UNC80: variants seen among roughly 807,000 people sequenced by gnomAD.
UNC80 encodes protein unc-80 homolog.
A neutral mutation model predicts 384.6 loss-of-function variants in UNC80; 164 were observed. The observed-to-expected ratio is 0.43, with a 90% CI of 0.38 to 0.49. The LOEUF is 0.49. Ranked by LOEUF, UNC80 falls within the 20% of genes least tolerant of loss-of-function variation. UNC80 has a pLI of 0.00. For synonymous variants in UNC80, 1,486 were observed against 1,527.8 expected, an observed-to-expected ratio of 0.97 and a Z score of 0.64; for missense variants, 3,330 against 4,143.0, an observed-to-expected ratio of 0.80 and a Z score of 5.39.
chr2:209,876,233 C>T (rs534762456), intron 23 of UNC80, among the ~76,000 whole-genome samples: 17 of 152,242 alleles, frequency 1.1e-4, no homozygotes, highest in African/African-American at 3.9e-4. Context: ...ACCTCCTAGC[C>T]CCTCTAAACT....
chr2:209,880,146 T>C (rs1459946874), intron 24 of UNC80, among the ~76,000 whole-genome samples: 2 of 152,202 alleles, frequency 1.3e-5, no homozygotes, highest in Admixed American at 1.3e-4. Context: ...TACATCATCC[T>C]GTGTCATCAG....
At chr2:209,915,264 G>T (rs1046880547) in intron 31 of UNC80, among the ~76,000 whole-genome samples, 1 of 151,910 alleles carries the variant, frequency 6.6e-6, no homozygotes, top group Admixed American at 6.5e-5. Flanking sequence ...AATTAGCCGG[G>T]CATGGTGGCA....
intron 43 of UNC80, among the ~76,000 whole-genome samples, chr2:209,940,725 G>A (rs187697899): frequency 1.3e-5 from 2 of 152,278 alleles, no homozygotes; most frequent in African/African-American, 2.4e-5. Flanking sequence ...TCTGAAGCAT[G>A]AGAATCACAT....
chr2:209,880,241 C>T (rs2085165394), intron 24 of UNC80, among the ~76,000 whole-genome samples: 2 of 152,102 alleles, frequency 1.3e-5, no homozygotes, highest in Admixed American at 6.6e-5. Context: ...GTCTTTAGAG[C>T]AAAATCTATT....
At chr2:209,804,050 C>A (rs2078729825) in intron 7 of UNC80, among the ~76,000 whole-genome samples, 1 of 152,078 alleles carries the variant, frequency 6.6e-6, no homozygotes, top group African/African-American at 2.4e-5. Context: ...ATTTAGATTT[C>A]TGCAACTGCT....
At position 209,793,796 on chromosome 2, in the gene UNC80, G is replaced by C. The variant is rs765134450; in HGVS notation, c.875G>C (p.Gly292Ala). 6.2e-7 allele frequency: 1 copy of C among 1,613,992 alleles called. No individual in the cohort carries two copies. Among genetic ancestry groups the C allele is most frequent in the African/African-American group, 1.3e-5 (1 of 74,932 alleles). The stretch of plus-strand genomic sequence containing the variant: ...GCCACCATTTCAGGCTGTCACCGAG[G>C]AAACTCCTTTGATGGAAGTCTGTCC... Reference protein sequence around the residue: ...PKATISGCHRGNSFDGSLSSQ... With the variant: ...PKATISGCHRANSFDGSLSSQ... Residue 292 changes from glycine to alanine, a missense_variant, in exon 7 of 65, where the codon GGA (glycine) becomes GCA (alanine). Gly to Ala is a moderately conservative substitution (Grantham distance 60). This residue lies in a region of UNC80 where 937 missense variants were observed against 1,026.8 expected (regional missense o/e 0.91). Transcript: ENST00000673920.
At chr2:209,832,734 C>A (rs1236526321) in intron 16 of UNC80, among the ~76,000 whole-genome samples, 1 of 152,144 alleles carries the variant, frequency 6.6e-6, no homozygotes. Context: ...ATAATATACA[C>A]GACTGCTTAT....
intron 48 of UNC80, among the ~76,000 whole-genome samples, chr2:209,956,451 C>G (rs1440668941): frequency 6.6e-6 from 1 of 152,104 alleles, no homozygotes; most frequent in Non-Finnish European, 1.5e-5. Flanking sequence ...GTCTGAGGTC[C>G]CATTTCCTGG....
chr2:209,849,324 G>A (rs2124837915), intron 21 of UNC80, 127 bp from the exon 22 acceptor site: 1 of 1,004,620 alleles, frequency 1.0e-6, no homozygotes, highest in South Asian at 1.7e-5. Flanking sequence ...AGGAAGTGGA[G>A]TGAAGGAGAA....
intron 18 of UNC80, among the ~76,000 whole-genome samples, chr2:209,836,349 T>TA (rs1298250533): frequency 6.6e-6 from 1 of 150,750 alleles, no homozygotes; most frequent in African/African-American, 2.4e-5. Flanking sequence ...AGAAGAGATT[T>TA]TTTTTTTCTT....
intron 22 of UNC80, among the ~76,000 whole-genome samples, chr2:209,860,871 A>G (rs934366278): frequency 2.0e-5 from 3 of 152,188 alleles, no homozygotes; most frequent in African/African-American, 7.2e-5. Context: ...CTGTAAAGGA[A>G]TGTTTGTGAT....
At chr2:209,840,086 A>G (rs1323056506) in intron 19 of UNC80, among the ~76,000 whole-genome samples, 2 of 152,214 alleles carry the variant, frequency 1.3e-5, no homozygotes, top group African/African-American at 2.4e-5. Flanking sequence ...GAGTAACTCA[A>G]GCAAGTAAAC....
intron 22 of UNC80, among the ~76,000 whole-genome samples, chr2:209,852,484 G>A (rs146440930): frequency 9.2e-5 from 14 of 152,102 alleles, no homozygotes; most frequent in African/African-American, 3.4e-4. Flanking sequence ...CACATTCATT[G>A]TCTTATTTGT....
At chr2:209,820,741 T>A in intron 13 of UNC80, 62 bp downstream of exon 13, 1 of 1,459,404 alleles carries the variant, frequency 6.9e-7, no homozygotes. Flanking sequence ...TTCTAAAGCT[T>A]GCTTGCCAGC....
At position 209,993,336 on chromosome 2, in the gene UNC80, C is replaced by T. The variant is rs1212094531; in HGVS notation, c.9418C>T (p.Arg3140Cys). 24 of 1,551,822 alleles carry T rather than the reference C, an allele frequency of 1.5e-5. No homozygotes were observed. The highest frequency in any genetic ancestry group is 2.0e-5 in the Non-Finnish European group (23 of 1,146,990). The change falls in exon 63 of 65, where the codon CGT becomes TGT. Residue 3140 changes from arginine to cysteine, a missense_variant. Arg to Cys is a radical substitution (Grantham distance 180). This residue lies in a region of UNC80 where 236 missense variants were observed against 254.9 expected (regional missense o/e 0.93). Transcript: ENST00000673920. The part of the protein sequence containing the change: ...LRQLRRPLLS[R>C]QKTQTEPRNR... ...TTAGCTAAGACGTCCTCTACTATCA[C>T]GTCAGAAAACTCAGACTGAACCCAG...
At position 209,998,298 on chromosome 2, in the gene UNC80, T is replaced by C. The variant is rs1473959381; in HGVS notation, c.*2703T>C. On this transcript the variant is annotated 3_prime_UTR_variant, in exon 65 of 65. Coordinates refer to ENST00000673920, the MANE Select transcript of UNC80 (RefSeq NM_001371986.1). Reference sequence around the variant, plus strand: ...TAGGATCTCCTATAGCAAAACATTTTACTTTCATTTTTCAGTATTTGCTGC... The same window carrying C: ...TAGGATCTCCTATAGCAAAACATTTCACTTTCATTTTTCAGTATTTGCTGC... 1 of 152,262 alleles carries C rather than the reference T, an allele frequency of 6.6e-6. No homozygotes were observed. Among genetic ancestry groups the C allele is most frequent in the African/African-American group, 2.4e-5 (1 of 41,468 alleles). 9.4% of individuals were successfully genotyped at this position (152,262 alleles called of 1,614,324 possible).
At chr2:209,822,558 C>CA (rs1483375784) in intron 13 of UNC80, among the ~76,000 whole-genome samples, 4 of 147,936 alleles carry the variant, frequency 2.7e-5, no homozygotes, top group Non-Finnish European at 4.4e-5. Flanking sequence ...AATTAGAAAC[C>CA]AAAAAAAAGA....
At chr2:209,792,634 A>G (rs1429563670) in intron 6 of UNC80, among the ~76,000 whole-genome samples, 1 of 152,168 alleles carries the variant, frequency 6.6e-6, no homozygotes, top group Admixed American at 6.5e-5. Flanking sequence ...GGCATGAGCC[A>G]CCGCGCCCGG....
rs928378737 is a variant in UNC80, at chr2:209,875,452, AC to A, written c.3840+2483del. On this transcript the variant is annotated intron_variant, in intron 23 of 64. Transcript: ENST00000673920. ...GTATGTTCAATAATAATCAGTTCTG[AC>A]ATGAATTTTTGAAAGCAGAGTCCAT... 1.4e-4 allele frequency among the ~76,000 whole-genome samples: 22 copies of A among 152,336 alleles called. 1 individual carries two copies. Among genetic ancestry groups the A allele is most frequent in the African/African-American group, 5.3e-4 (22 of 41,574 alleles).
Sources: allele counts gnomAD v4.1 joint callset (sites outside exome capture counted in the v4.1 genomes callset), GRCh38; gene constraint gnomAD v4.1.1; regional missense constraint gnomAD v4.1.1; transcripts MANE v1.5; gene names NCBI Gene and HGNC (gene_info 2026-07-23, HGNC 2026-07-21).